Variants in FBXO40 observed in about 807,000 individuals in gnomAD.
The protein encoded by FBXO40 is F-box protein 40.
A neutral mutation model predicts 49.9 loss-of-function variants in FBXO40; 50 were observed. That is an observed-to-expected ratio of 1.00 (90% CI 0.80 to 1.27). The LOEUF is 1.27. Among genes scored for constraint, FBXO40 ranks in the 50% most tolerant of loss-of-function variants. The probability of loss-of-function intolerance (pLI) is 0.00; values close to 1 mark genes in which losing one functional copy is unlikely to be tolerated. For missense variants in FBXO40, 895 were observed against 870.1 expected, an observed-to-expected ratio of 1.03 and a Z score of -0.36; for synonymous variants, 340 against 320.2, an observed-to-expected ratio of 1.06 and a Z score of -0.66.
Position 121,627,632 on chromosome 3 carries a change from T to G in FBXO40, c.*722T>G. ...GGGAGTCCAAAGGAGACACCATATTTATGGAGAACATTAGGACAAAAAGTC... is the reference window on the plus strand; with the variant it reads ...GGGAGTCCAAAGGAGACACCATATTGATGGAGAACATTAGGACAAAAAGTC... On this transcript the variant is annotated 3_prime_UTR_variant, in exon 4 of 4. Transcript: ENST00000338040. 1 of 389,084 alleles carries G rather than the reference T, an allele frequency of 2.6e-6. No individual in the cohort carries two copies. The highest frequency in any genetic ancestry group is 4.5e-6 in the Non-Finnish European group (1 of 220,582). The allele number at this position is 389,084 out of a possible 1,614,324, so 24.1% of individuals were successfully genotyped here. A position where few individuals can be genotyped will look rare whatever the true frequency, so the allele number is the denominator to read the frequency against.
At chr3:121,621,374 G>T (rs1368512286) in intron 2 of FBXO40, 59 bp from the exon 3 acceptor site, 1 of 1,445,148 alleles carries the variant, frequency 6.9e-7, no homozygotes, top group Non-Finnish European at 9.5e-7. Flanking sequence ...TCATAGACAT[G>T]CATAGAGCTT....
At chr3:121,617,869 G>A (rs999840130) in intron 1 of FBXO40, among the ~76,000 whole-genome samples, 1 of 151,948 alleles carries the variant, frequency 6.6e-6, no homozygotes, top group Non-Finnish European at 1.5e-5. Context: ...GTGTGGTAGC[G>A]CCTGATTGTA....
intron 2 of FBXO40, among the ~76,000 whole-genome samples, chr3:121,621,008 C>T (rs1267081525): frequency 2.0e-5 from 3 of 152,198 alleles, no homozygotes; most frequent in African/African-American, 7.2e-5. Context: ...CGGAATGTTA[C>T]ACTGCCATTA....
intron 1 of FBXO40, among the ~76,000 whole-genome samples, chr3:121,607,466 C>T (rs1044005680): frequency 2.0e-5 from 3 of 151,524 alleles, no homozygotes; most frequent in Non-Finnish European, 4.4e-5. Flanking sequence ...CCCACCACCA[C>T]GCCCGGCTAA....
rs781193078 is a variant in FBXO40, at chr3:121,621,941, G to A, written c.512G>A (p.Gly171Glu). 2 of 1,614,196 alleles carry A rather than the reference G, an allele frequency of 1.2e-6. No homozygotes were observed. Among genetic ancestry groups the A allele is most frequent in the Admixed American group, 1.7e-5 (1 of 60,022 alleles). Reference sequence around the variant, plus strand: ...GAAACCAGTGTGGAGGAAATGGGAGGAGCAGTGGGTGGAGTGGATATCGGT... The same window carrying A: ...GAAACCAGTGTGGAGGAAATGGGAGAAGCAGTGGGTGGAGTGGATATCGGT... ...NGETSVEEMG[G>E]AVGGVDIGLV... Residue 171 changes from glycine to glutamate, a missense_variant, in exon 3 of 4, where the codon GGA (glycine) becomes GAA (glutamate). By Grantham distance (98) the Gly-to-Glu change is moderately conservative (BLOSUM62 -2). Coordinates refer to ENST00000338040, the MANE Select transcript of FBXO40 (RefSeq NM_016298.4).
At position 121,629,167 on chromosome 3, in the gene FBXO40, C is replaced by G. The variant is rs1296814971; in HGVS notation, c.*2257C>G. 6.6e-6 allele frequency: 1 copy of G among 152,194 alleles called. No individual in the cohort carries two copies. The highest frequency in any genetic ancestry group is 1.5e-5 in the Non-Finnish European group (1 of 68,040). 9.4% of individuals were successfully genotyped at this position (152,194 alleles called of 1,614,324 possible). A position where few individuals can be genotyped will look rare whatever the true frequency, so the allele number is the denominator to read the frequency against. ...AGAAGGCAGTAGAGCAAGTCCCAGA[C>G]CAGAAACATGCTCATCTTTTCATCG... On this transcript the variant is annotated 3_prime_UTR_variant, in exon 4 of 4. Coordinates refer to ENST00000338040, the MANE Select transcript of FBXO40 (RefSeq NM_016298.4).
chr3:121,616,169 T>C (rs7628062), intron 1 of FBXO40, among the ~76,000 whole-genome samples: 144,716 of 152,194 alleles, frequency 0.95, 68,879 homozygotes, highest in African/African-American at 0.99. Flanking sequence ...GTTTGATGCT[T>C]CTGCTTGCGA....
intron 1 of FBXO40, among the ~76,000 whole-genome samples, chr3:121,619,820 C>A (rs960290821): frequency 6.6e-6 from 1 of 152,210 alleles, no homozygotes; most frequent in Non-Finnish European, 1.5e-5. Context: ...TGCCTTCTAA[C>A]CACTAAACCA....
chr3:121,618,359 A>G (rs1407280381), intron 1 of FBXO40, among the ~76,000 whole-genome samples: 2 of 148,894 alleles, frequency 1.3e-5, no homozygotes, highest in Non-Finnish European at 3.0e-5. Flanking sequence ...AGCGTCTTAT[A>G]TCAGCAGCTT....
chr3:121,620,017 T>C (rs2049021436), intron 1 of FBXO40, among the ~76,000 whole-genome samples: 1 of 152,266 alleles, frequency 6.6e-6, no homozygotes, highest in Non-Finnish European at 1.5e-5. Flanking sequence ...TTTTGACCCC[T>C]GCTCTAGCAC....
At chr3:121,599,658 A>T (rs981708945) in intron 1 of FBXO40, among the ~76,000 whole-genome samples, 2 of 56,192 alleles carry the variant, frequency 3.6e-5, no homozygotes, top group African/African-American at 1.2e-4. Context: ...TAGTGCATAC[A>T]CACACACACA....
chr3:121,627,688 A>G lies in FBXO40; in HGVS notation c.*778A>G. 2.5e-6 allele frequency: 1 copy of G among 395,852 alleles called. No homozygotes were observed. Among genetic ancestry groups the G allele is most frequent in the African/African-American group, 2.1e-5 (1 of 48,476 alleles). The allele number at this position is 395,852 out of a possible 1,614,324, so 24.5% of individuals were successfully genotyped here. On this transcript the variant is annotated 3_prime_UTR_variant, in exon 4 of 4. Coordinates refer to ENST00000338040, the MANE Select transcript of FBXO40 (RefSeq NM_016298.4). ...CTTACTTTGTAACATTTTAATAATGACTTAAGGGTCAAGATTTTTTTCTTC... is the reference window on the plus strand; with the variant it reads ...CTTACTTTGTAACATTTTAATAATGGCTTAAGGGTCAAGATTTTTTTCTTC...
At chr3:121,614,269 CAAAAAAA>C (rs35824526) in intron 1 of FBXO40, among the ~76,000 whole-genome samples, 3 of 77,644 alleles carry the variant, frequency 3.9e-5, no homozygotes, top group Non-Finnish European at 4.7e-5. Context: ...GACTCTAGCT[CAAAAAAA>C]AAAAAAAAAA....
At chr3:121,618,148 A>G (rs1278495446) in intron 1 of FBXO40, among the ~76,000 whole-genome samples, 1 of 152,208 alleles carries the variant, frequency 6.6e-6, no homozygotes, top group Non-Finnish European at 1.5e-5. Context: ...TACAACTATT[A>G]TATATCAATA....
chr3:121,603,321 A>C (rs899604037), intron 1 of FBXO40, among the ~76,000 whole-genome samples: 13 of 152,266 alleles, frequency 8.5e-5, no homozygotes, highest in East Asian at 5.8e-4. Context: ...ATCCTCAGCA[A>C]GAGGAGGAGC....
At chr3:121,616,715 G>A (rs1171176170) in intron 1 of FBXO40, among the ~76,000 whole-genome samples, 2 of 152,142 alleles carry the variant, frequency 1.3e-5, no homozygotes, top group Non-Finnish European at 2.9e-5. Flanking sequence ...TTGTTGAGTG[G>A]GTGAATGAGT....
chr3:121,623,724 C>T (rs1207747772), intron 3 of FBXO40, among the ~76,000 whole-genome samples: 1 of 130,006 alleles, frequency 7.7e-6, no homozygotes, highest in East Asian at 2.3e-4. Flanking sequence ...GTTTCATTCT[C>T]ATTGCCCAGG....
At chr3:121,608,047 G>A (rs1015375584) in intron 1 of FBXO40, among the ~76,000 whole-genome samples, 2 of 152,196 alleles carry the variant, frequency 1.3e-5, no homozygotes, top group Non-Finnish European at 2.9e-5. Flanking sequence ...TTCTTCCTTG[G>A]AGTACACTGG....
intron 1 of FBXO40, among the ~76,000 whole-genome samples, chr3:121,612,785 C>A (rs12630680): frequency 1.3e-5 from 2 of 151,982 alleles, no homozygotes; most frequent in South Asian, 2.1e-4. Context: ...AAAAAAATTT[C>A]TCAGCCGGGC....
Sources: allele counts gnomAD v4.1 joint callset (sites outside exome capture counted in the v4.1 genomes callset), GRCh38; gene constraint gnomAD v4.1.1; transcripts MANE v1.5; gene names NCBI Gene and HGNC (gene_info 2026-07-23, HGNC 2026-07-21).